The following MDP1 variants were observed in gnomAD, a reference collection of about 807,000 sequenced individuals.
The protein encoded by MDP1 is magnesium dependent phosphatase 1.
A neutral mutation model predicts 21.6 loss-of-function variants in MDP1; 18 were observed. The ratio of observed to expected loss-of-function variants is 0.83; its 90% CI spans 0.58 to 1.24. The LOEUF is 1.24. Ranked by LOEUF, MDP1 falls within the 50% of genes most tolerant of loss-of-function variation. MDP1 has a pLI of 0.00. For missense variants in MDP1, 207 were observed against 218.6 expected, an observed-to-expected ratio of 0.95 and a Z score of 0.33; for synonymous variants, 101 against 83.2, an observed-to-expected ratio of 1.21 and a Z score of -1.16.
Position 24,214,568 on chromosome 14 carries a change from G to A in MDP1, c.241C>T (p.Leu81=), listed in dbSNP as rs367709493. 28 of 1,614,092 alleles carry A rather than the reference G, an allele frequency of 1.7e-5. No homozygotes were observed. The African/African-American group carries it at 3.2e-4, about 18-fold the overall frequency. Residue 81 remains leucine, a synonymous_variant, in exon 4 of 6, where the codon CTG becomes TTG. Transcript: ENST00000288087. ...TSEIEGANQL[L]ELFDLFRYFV... is the part of the protein sequence containing the mutation. ...TACCTGAAGAGGTCAAAGAGCTCCA[G>A]TAGCTGGTTGGCCCCTTCTATCTCA...
rs1326267794 is a variant in MDP1 at position 24,214,140 on chromosome 14, T to A, written c.415A>T (p.Ile139Phe). The A allele has an allele frequency of 1.9e-6, 3 of 1,612,224 alleles. No individual in the cohort carries two copies. The South Asian group carries it at 3.3e-5, about 18-fold the overall frequency. Reference protein sequence around the residue: ...VDVSKLGVTCIHIQNGMNLQT... With the variant: ...VDVSKLGVTCFHIQNGMNLQT... Reference sequence around the variant, plus strand: ...AGATTCATTCCATTCTGGATGTGAATGCAGGTAACACCTAGAAAGATAAGA... The same window carrying A: ...AGATTCATTCCATTCTGGATGTGAAAGCAGGTAACACCTAGAAAGATAAGA... The change falls in exon 6 of 6, where the codon ATT becomes TTT. Residue 139 changes from isoleucine (I) to phenylalanine (F), a missense_variant. By Grantham distance (21) the Ile-to-Phe change is conservative. Coordinates refer to ENST00000288087, the MANE Select transcript of MDP1 (RefSeq NM_138476.4).
In MDP1 at chr14:24,213,958, C is replaced by G. The variant is rs1055128296; in HGVS notation, c.*66G>C. 1.3e-6 allele frequency: 2 copies of G among 1,525,018 alleles called. No homozygotes were observed. The highest frequency in any genetic ancestry group is 1.8e-6 in the Non-Finnish European group (2 of 1,138,944). The allele number at this position is 1,525,018 out of a possible 1,614,324, so 94.5% of individuals were successfully genotyped here. On this transcript the variant is annotated 3_prime_UTR_variant, in exon 6 of 6. Transcript: ENST00000288087. The stretch of plus-strand genomic sequence containing the variant: ...ACACTGTGGGTAAAATCTCTTCTGT[C>G]ACACACAGATGAACTTTAATAAATT...
Position 24,215,703 on chromosome 14 carries a change from A to G in MDP1, c.98+34T>C, listed in dbSNP as rs369343628. The G allele has an allele frequency of 1.7e-4, 281 of 1,613,972 alleles. 1 individual carries two copies. Among genetic ancestry groups the G allele is most frequent in the Non-Finnish European group, 2.3e-4 (267 of 1,180,024 alleles). On this transcript the variant is annotated intron_variant, in intron 2 of 5. Coordinates refer to ENST00000288087, the MANE Select transcript of MDP1 (RefSeq NM_138476.4). ...GTGCGCTCAGCCCTGGCTGGGTCCTATCTCGCCCCCAGTCTTCCCTGTCCC... is the reference window on the plus strand; with the variant it reads ...GTGCGCTCAGCCCTGGCTGGGTCCTGTCTCGCCCCCAGTCTTCCCTGTCCC...
Position 24,215,567 on chromosome 14 carries a change from C to A in MDP1, c.194G>T (p.Gly65Val). ...LKRLQSLGVP[G>V]AAASRTSEIE... is the part of the protein sequence containing the mutation. ...CTCTTCTTACCTTGAAGCAGCCGCA[C>A]CGGGCACCCCAAGGCTCTGCAATCG... is the stretch of plus-strand genomic sequence containing the variant. Residue 65 changes from glycine (G) to valine (V), a missense_variant, in exon 3 of 6, where the codon GGT becomes GTT. Physicochemically the swap from Gly to Val is moderately radical, Grantham distance 109 (BLOSUM62 -3). Coordinates refer to ENST00000288087, the MANE Select transcript of MDP1 (RefSeq NM_138476.4). 2 of 1,614,198 alleles carry A rather than the reference C, an allele frequency of 1.2e-6. No individual in the cohort carries two copies. The highest frequency in any genetic ancestry group is 1.7e-6 in the Non-Finnish European group (2 of 1,180,044).
chr14:24,214,719 A>T (rs1396818479), intron 3 of MDP1, 120 bp from the exon 4 acceptor site: 2 of 1,032,960 alleles, frequency 1.9e-6, no homozygotes, highest in East Asian at 5.0e-5. Context: ...CGGGATGGAC[A>T]GGCATCCTCA....
chr14:24,215,474 T>G, intron 3 of MDP1, 78 bp downstream of exon 3: 2 of 1,464,238 alleles, frequency 1.4e-6, no homozygotes, highest in Non-Finnish European at 1.9e-6. Context: ...CGCCCCTATT[T>G]TTGTAGACCA....
In MDP1 at chr14:24,214,610, G is replaced by A. The variant is rs766923570; in HGVS notation, c.210-11C>T. The A allele has an allele frequency of 2.5e-6, 4 of 1,614,048 alleles. No individual in the cohort carries two copies. Among genetic ancestry groups the A allele is most frequent in the African/African-American group, 2.7e-5 (2 of 75,030 alleles). On this transcript the variant is annotated splice_polypyrimidine_tract_variant and intron_variant, in intron 3 of 5. Transcript: ENST00000288087. ...TCTATCTCACTTGTCCTGCAAAACG[G>A]TGTAAAAGATGGGATTAGCAAAGTG...
chr14:24,215,519 A>G (rs1168107909), intron 3 of MDP1, 33 bp downstream of exon 3: 1 of 1,610,756 alleles, frequency 6.2e-7, no homozygotes, highest in East Asian at 2.2e-5. Flanking sequence ...ACCCTTCAGC[A>G]TTACACTGTC....
Position 24,215,664 on chromosome 14 carries a change from T to C in MDP1, c.99-2A>G. 1.2e-6 allele frequency: 2 copies of C among 1,614,174 alleles called. No individual in the cohort carries two copies. The highest frequency in any genetic ancestry group is 8.5e-7 in the Non-Finnish European group (1 of 1,180,022). On this transcript the variant is annotated splice_acceptor_variant, in intron 2 of 5. Transcript: ENST00000288087. LOFTEE classifies it high-confidence loss of function. ...CGCCTATCTCGTACAGTTCCATCAC[T>C]GGAGAGGGCAAGAGTGCGCTCAGCC...
At chr14:24,215,463 C>A in intron 3 of MDP1, 89 bp downstream of exon 3, 1 of 1,361,698 alleles carries the variant, frequency 7.3e-7, no homozygotes, top group Non-Finnish European at 1.0e-6. Context: ...GAAACTTGCA[C>A]CGCCCCTATT....
Position 24,215,840 on chromosome 14 carries a change from A to C in MDP1, c.38-43T>G, listed in dbSNP as rs557109666. 3.1e-5 allele frequency: 50 copies of C among 1,614,124 alleles called. No individual in the cohort carries two copies. The South Asian group carries it at 5.5e-4, about 18-fold the overall frequency. On this transcript the variant is annotated intron_variant, in intron 1 of 5. Coordinates refer to ENST00000288087, the MANE Select transcript of MDP1 (RefSeq NM_138476.4). ...GGGAAGGTTCAGCCTGGGGCGGGAG[A>C]TGCAGGGATTCGGGAGCTGCTGTTA...
Position 24,214,066 on chromosome 14 carries a change from C to T in MDP1, c.489G>A (p.Gly163=). Residue 163 remains glycine, a synonymous_variant, in exon 6 of 6, where the codon GGG becomes GGA. Coordinates refer to ENST00000288087, the MANE Select transcript of MDP1 (RefSeq NM_138476.4). ...TCTCCTCAAGGCTGGACCTCAAAGG[C>T]CCAGTTTGGGCCTTCGCAAATGTCT... ...GLETFAKAQT[G]PLRSSLEESP... 6.2e-7 allele frequency: 1 copy of T among 1,611,676 alleles called. No homozygotes were observed. The highest frequency in any genetic ancestry group is 8.5e-7 in the Non-Finnish European group (1 of 1,179,034).
chr14:24,215,485 G>A (rs2039670557), intron 3 of MDP1, 67 bp downstream of exon 3: 1 of 1,525,120 alleles, frequency 6.6e-7, no homozygotes, highest in South Asian at 1.1e-5. Context: ...TTGTAGACCA[G>A]GGGTTTCACT....
chr14:24,214,337 G>C lies in MDP1; in HGVS notation c.376C>G (p.Arg126Gly). 2 of 1,614,084 alleles carry C rather than the reference G, an allele frequency of 1.2e-6. No individual in the cohort carries two copies. Among genetic ancestry groups the C allele is most frequent in the Non-Finnish European group, 1.7e-6 (2 of 1,180,032 alleles). Residue 126 changes from arginine (R) to glycine (G), a missense_variant, in exon 5 of 6, where the codon CGG (arginine) becomes GGG (glycine). By Grantham distance (125) the Arg-to-Gly change is moderately radical. Transcript: ENST00000288087. ...AGTTTGCTGACGTCTACAATATTCCGCCTCTCATCATCAAAGAAGATCATC... is the reference window on the plus strand; with the variant it reads ...AGTTTGCTGACGTCTACAATATTCCCCCTCTCATCATCAAAGAAGATCATC... ...SQMIFFDDER[R>G]NIVDVSKLGV... is the part of the protein sequence containing the mutation.
At position 24,214,507 on chromosome 14, in the gene MDP1, A is replaced by G. The variant is rs1566661315; in HGVS notation, c.302T>C (p.Ile101Thr). 6.2e-7 allele frequency: 1 copy of G among 1,614,106 alleles called. No individual in the cohort carries two copies. The highest frequency in any genetic ancestry group is 1.7e-5 in the Admixed American group (1 of 59,994). Residue 101 changes from isoleucine (I) to threonine (T), a missense_variant, in exon 4 of 6, where the codon ATC (isoleucine) becomes ACC (threonine). Coordinates refer to ENST00000288087, the MANE Select transcript of MDP1 (RefSeq NM_138476.4). The stretch of plus-strand genomic sequence containing the variant: ...CTCCGCATACCTCTCAAAGTGTGTG[A>G]TCTTGCTGCCTGGATAGATTTCCCG... ...VHREIYPGSK[I>T]THFERLQQKT...
chr14:24,213,966 G>A lies in MDP1; in HGVS notation c.*58C>T. 1 of 1,530,992 alleles carries A rather than the reference G, an allele frequency of 6.5e-7. No individual in the cohort carries two copies. The highest frequency in any genetic ancestry group is 8.8e-7 in the Non-Finnish European group (1 of 1,141,846). The allele number at this position is 1,530,992 out of a possible 1,614,324, so 94.8% of individuals were successfully genotyped here. ...GGTAAAATCTCTTCTGTCACACACA[G>A]ATGAACTTTAATAAATTACAAATGC... On this transcript the variant is annotated 3_prime_UTR_variant, in exon 6 of 6. Coordinates refer to ENST00000288087, the MANE Select transcript of MDP1 (RefSeq NM_138476.4).
chr14:24,214,946 T>TTA (rs2039653153), intron 3 of MDP1, among the ~76,000 whole-genome samples: 1 of 150,206 alleles, frequency 6.7e-6, no homozygotes, highest in Non-Finnish European at 1.5e-5. Context: ...CTACAATTTT[T>TTA]TTTTTTTTTT....
chr14:24,214,224 C>T, intron 5 of MDP1, 73 bp from the exon 6 acceptor site: 1 of 1,610,634 alleles, frequency 6.2e-7, no homozygotes, highest in Non-Finnish European at 8.5e-7. Flanking sequence ...TTGTGAGTGC[C>T]ACCTATAGGG....
rs765957054 is a variant in MDP1 at position 24,215,551 on chromosome 14, C to T, written c.209+1G>A. 19 of 1,614,066 alleles carry T rather than the reference C, an allele frequency of 1.2e-5. No homozygotes were observed. Among genetic ancestry groups the T allele is most frequent in the Admixed American group, 3.3e-5 (2 of 59,996 alleles). On this transcript the variant is annotated splice_donor_variant, in intron 3 of 5. Coordinates refer to ENST00000288087, the MANE Select transcript of MDP1 (RefSeq NM_138476.4). LOFTEE classifies it high-confidence loss of function. Reference sequence around the variant, plus strand: ...TGTCAGTTGTCAGTCGCTCTTCTTACCTTGAAGCAGCCGCACCGGGCACCC... The same window carrying T: ...TGTCAGTTGTCAGTCGCTCTTCTTATCTTGAAGCAGCCGCACCGGGCACCC...
Sources: allele counts gnomAD v4.1 joint callset (sites outside exome capture counted in the v4.1 genomes callset), GRCh38; gene constraint gnomAD v4.1.1; transcripts MANE v1.5; gene names NCBI Gene and HGNC (gene_info 2026-07-23, HGNC 2026-07-21).